The following STAP1 variants were observed in gnomAD, a reference collection of about 807,000 sequenced individuals.
STAP1 encodes signal-transducing adaptor protein 1.
In STAP1, 30 loss-of-function variants were observed where a neutral mutation model predicts 37.8. That is an observed-to-expected ratio of 0.79 (90% CI 0.59 to 1.08). The LOEUF (loss-of-function observed/expected upper bound fraction) is 1.08, where lower values mean the gene tolerates loss of function less well. STAP1 is among the 50% of genes least tolerant of loss of function. STAP1 has a pLI of 0.00. For missense variants in STAP1, 357 were observed against 349.4 expected (o/e 1.02, Z -0.17); for synonymous variants, 130 against 116.0 (o/e 1.12, Z -0.78).
At chr4:67,585,188 A>T (rs1239046155) in intron 6 of STAP1, among the ~76,000 whole-genome samples, 1 of 152,230 alleles carries the variant, frequency 6.6e-6, no homozygotes, top group African/African-American at 2.4e-5. Flanking sequence ...ATGCATAAAC[A>T]GAACTTTGAC....
At chr4:67,568,492 T>G (rs898526959) in intron 1 of STAP1, among the ~76,000 whole-genome samples, 1 of 152,200 alleles carries the variant, frequency 6.6e-6, no homozygotes, top group Non-Finnish European at 1.5e-5. Flanking sequence ...TTACTTGCCA[T>G]TCTTTTGTAA....
At chr4:67,579,634 G>A (rs1237439943) in intron 4 of STAP1, among the ~76,000 whole-genome samples, 1 of 151,952 alleles carries the variant, frequency 6.6e-6, no homozygotes, top group Non-Finnish European at 1.5e-5. Flanking sequence ...CATATCACAT[G>A]GTGAGAGTAG....
chr4:67,606,178 C>A, intron 8 of STAP1, 118 bp from the exon 9 acceptor site: 1 of 721,186 alleles, frequency 1.4e-6, no homozygotes, highest in Non-Finnish European at 2.2e-6. Flanking sequence ...CTAACAATTA[C>A]TAAACACACC....
At chr4:67,597,103 G>A (rs1728242300) in intron 8 of STAP1, among the ~76,000 whole-genome samples, 1 of 152,174 alleles carries the variant, frequency 6.6e-6, no homozygotes, top group African/African-American at 2.4e-5. Flanking sequence ...TAGTTTTGTG[G>A]GCTGGACCCA....
intron 1 of STAP1, among the ~76,000 whole-genome samples, chr4:67,561,608 A>G (rs539499793): frequency 2.6e-5 from 4 of 152,288 alleles, no homozygotes; most frequent in South Asian, 2.1e-4. Context: ...ATCTTTATGG[A>G]AAAGATAATG....
chr4:67,582,588 G>C (rs1267568382), intron 5 of STAP1, among the ~76,000 whole-genome samples: 1 of 151,040 alleles, frequency 6.6e-6, no homozygotes, highest in Non-Finnish European at 1.5e-5. Flanking sequence ...GATTACAGGT[G>C]TGAGCCACCA....
At chr4:67,559,627 A>T (rs1005361600) in intron 1 of STAP1, among the ~76,000 whole-genome samples, 2 of 152,090 alleles carry the variant, frequency 1.3e-5, no homozygotes, top group Non-Finnish European at 2.9e-5. Flanking sequence ...TAAAACAGTA[A>T]TTATGGATGA....
intron 6 of STAP1, among the ~76,000 whole-genome samples, chr4:67,590,416 C>T (rs1302516170): frequency 1.3e-5 from 2 of 152,186 alleles, no homozygotes; most frequent in African/African-American, 4.8e-5. Context: ...TGAATAACAG[C>T]TATTGAGGGG....
chr4:67,577,348 C>T, intron 4 of STAP1, 89 bp downstream of exon 4: 1 of 1,145,138 alleles, frequency 8.7e-7, no homozygotes, highest in Non-Finnish European at 1.2e-6. Flanking sequence ...GTGAAAGTGG[C>T]TGAAGATATA....
chr4:67,602,537 G>A (rs1241960223), intron 8 of STAP1, among the ~76,000 whole-genome samples: 2 of 152,102 alleles, frequency 1.3e-5, no homozygotes, highest in African/African-American at 4.8e-5. Flanking sequence ...CTAAGTCGTT[G>A]GTCACTGCAG....
chr4:67,560,193 T>G (rs1207871362), intron 1 of STAP1, among the ~76,000 whole-genome samples: 1 of 150,818 alleles, frequency 6.6e-6, no homozygotes, highest in Non-Finnish European at 1.5e-5. Context: ...GACATGTCAT[T>G]GGTATGGTTA....
At chr4:67,587,485 G>A (rs544005300) in intron 6 of STAP1, among the ~76,000 whole-genome samples, 4 of 152,260 alleles carry the variant, frequency 2.6e-5, no homozygotes, top group Non-Finnish European at 4.4e-5. Context: ...CCAATGGTGC[G>A]TGAATTCATA....
At chr4:67,603,292 C>T (rs563555813) in intron 8 of STAP1, among the ~76,000 whole-genome samples, 1 of 152,274 alleles carries the variant, frequency 6.6e-6, no homozygotes, top group East Asian at 1.9e-4. Context: ...CCCTCTGACC[C>T]AAGGTGGGTC....
At chr4:67,604,095 C>A (rs1421442891) in intron 8 of STAP1, among the ~76,000 whole-genome samples, 1 of 152,202 alleles carries the variant, frequency 6.6e-6, no homozygotes, top group Non-Finnish European at 1.5e-5. Context: ...CTAAATGCTC[C>A]CTTCTGTGGT....
At chr4:67,562,117 G>T (rs1727360329) in intron 1 of STAP1, among the ~76,000 whole-genome samples, 1 of 129,350 alleles carries the variant, frequency 7.7e-6, no homozygotes, top group African/African-American at 3.0e-5. Context: ...AGAAAGAAAA[G>T]AAAAAGAAAG....
intron 1 of STAP1, among the ~76,000 whole-genome samples, chr4:67,560,454 A>C (rs10013995): frequency 0.74 from 112,603 of 152,048 alleles, 43,108 homozygotes; most frequent in Non-Finnish European, 0.86. Flanking sequence ...ATGGAAAAAA[A>C]CACAAAGATT....
At position 67,560,040 on chromosome 4, in the gene STAP1, C is replaced by G. The variant is rs73829221; in HGVS notation, c.120+1111C>G. On this transcript the variant is annotated intron_variant, in intron 1 of 8. Coordinates refer to ENST00000265404, the MANE Select transcript of STAP1 (RefSeq NM_012108.4). The stretch of plus-strand genomic sequence containing the variant: ...TTCAATCTTGTCACCACAGGTAAGC[C>G]ACATAGTCACACTTTGCCAGGAAAG... Among the ~76,000 whole-genome samples, 575 of 151,982 alleles carry G rather than the reference C, an allele frequency of 3.8e-3. 4 individuals carry two copies. Among genetic ancestry groups the G allele is most frequent in the African/African-American group, 0.013 (555 of 41,462 alleles).
At chr4:67,560,042 C>T (rs543744043) in intron 1 of STAP1, among the ~76,000 whole-genome samples, 11 of 151,944 alleles carry the variant, frequency 7.2e-5, no homozygotes, top group Admixed American at 7.2e-4. Flanking sequence ...AGGTAAGCCA[C>T]ATAGTCACAC....
intron 2 of STAP1, 151 bp downstream of exon 2, chr4:67,571,306 A>G: frequency 1.8e-6 from 1 of 564,436 alleles, no homozygotes; most frequent in Admixed American, 3.4e-5. Context: ...GGGGGCCGCC[A>G]ATGATCACAG....
Sources: gnomAD v4.1 joint callset for allele counts (sites outside exome capture counted in the v4.1 genomes callset) on GRCh38, gnomAD v4.1.1 for gene constraint, MANE v1.5 for transcripts, NCBI Gene and HGNC (gene_info 2026-07-23, HGNC 2026-07-21) for gene names.